Variants in TRIM54 observed in about 807,000 individuals in gnomAD.
TRIM54 encodes tripartite motif-containing protein 54.
TRIM54 carries 40 observed loss-of-function variants against 42.0 expected under a neutral mutation model. That is an observed-to-expected ratio of 0.95 (90% CI 0.74 to 1.24). The LOEUF is 1.24. Among genes scored for constraint, TRIM54 ranks in the 50% most tolerant of loss-of-function variants. The pLI is 0.00. For synonymous variants in TRIM54, 199 were observed against 194.9 expected, an observed-to-expected ratio of 1.02 and a Z score of -0.17; for missense variants, 485 against 480.3, an observed-to-expected ratio of 1.01 and a Z score of -0.09.
chr2:27,282,570 AT>A lies in TRIM54; in HGVS notation c.-161del, dbSNP rs1678411897. 4.3e-6 allele frequency: 3 copies of A among 703,352 alleles called. No individual in the cohort carries two copies. Among genetic ancestry groups the A allele is most frequent in the Non-Finnish European group, 6.8e-6 (3 of 440,904 alleles). 43.6% of individuals were successfully genotyped at this position (703,352 alleles called of 1,614,324 possible). A position where few individuals can be genotyped will look rare whatever the true frequency, so the allele number is the denominator to read the frequency against. On this transcript the variant is annotated 5_prime_UTR_variant, in exon 1 of 9. Coordinates refer to ENST00000380075, the MANE Select transcript of TRIM54 (RefSeq NM_187841.3). Reference sequence around the variant, plus strand: ...AAGTAGAGACTGTCCGAAGACTGCTATCTGGGACGAGACAAGTTGTTAAAGG... The same window carrying A: ...AAGTAGAGACTGTCCGAAGACTGCTACTGGGACGAGACAAGTTGTTAAAGG...
At chr2:27,285,509 GA>G (rs1678533351) in intron 1 of TRIM54, among the ~76,000 whole-genome samples, 1 of 152,276 alleles carries the variant, frequency 6.6e-6, no homozygotes, top group East Asian at 1.9e-4. Flanking sequence ...TTCATATCAT[GA>G]AAAGCAAATC....
rs779511619 is a variant in TRIM54, at chr2:27,306,107, G to A, written c.866+5G>A. ...GGCCAAGGAGCTGATCAATAAGTGAGTAGGCATAGCGGGAAGGGAAAGGAG... is the reference window on the plus strand; with the variant it reads ...GGCCAAGGAGCTGATCAATAAGTGAATAGGCATAGCGGGAAGGGAAAGGAG... On this transcript the variant is annotated splice_donor_5th_base_variant and intron_variant, in intron 6 of 8. Transcript: ENST00000380075. The surrounding 1 kb of genome is among the most constrained non-coding windows in gnomAD (Gnocchi z 6.1). The A allele has an allele frequency of 6.2e-7, 1 of 1,614,032 alleles. No individual in the cohort carries two copies. The highest frequency in any genetic ancestry group is 1.1e-5 in the South Asian group (1 of 91,088).
chr2:27,306,201 TG>T lies in TRIM54; in HGVS notation c.867-10del. ...TGGGGCATTGCCAGCTGAGTCCGTG[TG>T]GCCACTGCAGGGTCGGGGCCATGTC... On this transcript the variant is annotated splice_polypyrimidine_tract_variant and intron_variant, in intron 6 of 8. Transcript: ENST00000380075. The surrounding 1 kb of genome is among the most constrained non-coding windows in gnomAD (Gnocchi z 6.1). 1 of 1,614,012 alleles carries T rather than the reference TG, an allele frequency of 6.2e-7. No homozygotes were observed.
intron 1 of TRIM54, among the ~76,000 whole-genome samples, chr2:27,291,742 G>C (rs1318610273): frequency 6.6e-6 from 1 of 152,188 alleles, no homozygotes; most frequent in Non-Finnish European, 1.5e-5. Context: ...TTGGCTGGGG[G>C]CTAGCATTGC....
In TRIM54 at chr2:27,307,405, T is replaced by TTC; in HGVS notation, c.*521_*522dup. The TTC allele has an allele frequency of 6.8e-7, 1 of 1,479,524 alleles. No individual in the cohort carries two copies. Among genetic ancestry groups the TTC allele is most frequent in the Non-Finnish European group, 9.0e-7 (1 of 1,111,666 alleles). The allele number at this position is 1,479,524 out of a possible 1,614,324, so 91.6% of individuals were successfully genotyped here. On this transcript the variant is annotated 3_prime_UTR_variant, in exon 9 of 9. Coordinates refer to ENST00000380075, the MANE Select transcript of TRIM54 (RefSeq NM_187841.3). The surrounding 1 kb of genome is among the most constrained non-coding windows in gnomAD (Gnocchi z 6.9). ...CCTCTACGACAAAAGCCAACGGGTC[T>TTC]TCAGTACTTTTATTAAAAAATAGTC...
intron 3 of TRIM54, among the ~76,000 whole-genome samples, chr2:27,301,135 C>CTTTT (rs35279593): frequency 1.6e-5 from 2 of 125,354 alleles, no homozygotes; most frequent in Non-Finnish European, 3.4e-5. Context: ...TGGTTGCCCT[C>CTTTT]TTTTTTTTTT....
intron 3 of TRIM54, among the ~76,000 whole-genome samples, chr2:27,304,298 T>A (rs1264704795): frequency 2.1e-5 from 3 of 139,922 alleles, no homozygotes; most frequent in South Asian, 2.4e-4. Context: ...ATATAAAACA[T>A]TCAACAGATG....
In TRIM54 at chr2:27,305,001, G is replaced by A. The variant is rs1297187514; in HGVS notation, c.556G>A (p.Asp186Asn). 6.2e-7 allele frequency: 1 copy of A among 1,614,150 alleles called. No individual in the cohort carries two copies. The highest frequency in any genetic ancestry group is 8.5e-7 in the Non-Finnish European group (1 of 1,180,028). The stretch of plus-strand genomic sequence containing the variant: ...CATCGCGATGCTGGTGGCAGGCAAT[G>A]ACCGCGTGCAAGCAGTGATCACACA... ...DGIAMLVAGN[D>N]RVQAVITQME... The change falls in exon 4 of 9, where the codon GAC (aspartate) becomes AAC (asparagine). Residue 186 changes from aspartate to asparagine, a missense_variant. By Grantham distance (23) the Asp-to-Asn change is conservative. Transcript: ENST00000380075.
intron 3 of TRIM54, chr2:27,304,744 C>T: frequency 2.1e-6 from 1 of 479,170 alleles, no homozygotes; most frequent in Non-Finnish European, 3.8e-6. Context: ...GTTCCTTCCC[C>T]ACTTAGTGGT....
rs146623118 is a variant in TRIM54, at chr2:27,299,476, T to G, written c.513+60T>G. 9.7e-4 allele frequency: 1,541 copies of G among 1,585,276 alleles called. 1 individual carries two copies. The highest frequency in any genetic ancestry group is 1.2e-3 in the Non-Finnish European group (1,436 of 1,167,606). ...ATGGGGGCTTAGGACAGGGTCTCAG[T>G]GTCAGCCTCTTACTCCACTTATCTT... On this transcript the variant is annotated intron_variant, in intron 3 of 8. Coordinates refer to ENST00000380075, the MANE Select transcript of TRIM54 (RefSeq NM_187841.3).
rs1216839023 is a variant in TRIM54 at position 27,293,937 on chromosome 2, C to T, written c.169-4630C>T. Among the ~76,000 whole-genome samples the T allele has an allele frequency of 2.6e-5, 4 of 152,000 alleles. No individual in the cohort carries two copies. The South Asian group carries it at 6.2e-4, about 24-fold the overall frequency. Reference sequence around the variant, plus strand: ...ACTCAGGAGGCTGAGGCAGGAGAATCGCTTGAACCCGGGAGGTGGAGGTGG... The same window carrying T: ...ACTCAGGAGGCTGAGGCAGGAGAATTGCTTGAACCCGGGAGGTGGAGGTGG... On this transcript the variant is annotated intron_variant, in intron 1 of 8. Transcript: ENST00000380075.
At chr2:27,297,841 C>T (rs1490785682) in intron 1 of TRIM54, among the ~76,000 whole-genome samples, 1 of 151,922 alleles carries the variant, frequency 6.6e-6, no homozygotes, top group Non-Finnish European at 1.5e-5. Context: ...ATTATCTGGG[C>T]ATGGTGGCAC....
Position 27,304,960 on chromosome 2 carries a change from G to A in TRIM54, c.515G>A (p.Ser172Asn), listed in dbSNP as rs1316855593. 1.9e-6 allele frequency: 3 copies of A among 1,613,792 alleles called. No individual in the cohort carries two copies. The African/African-American group carries it at 4.0e-5, about 22-fold the overall frequency. ...AGTGCTGACCTGTGTGTGTATCAGAGTGAGCTCAGCGATGGCATCGCGATG... is the reference window on the plus strand; with the variant it reads ...AGTGCTGACCTGTGTGTGTATCAGAATGAGCTCAGCGATGGCATCGCGATG... ...PLPTIYKRQK[S>N]ELSDGIAMLV... is the part of the protein sequence containing the mutation. The change falls in exon 4 of 9, where the codon AGT (serine) becomes AAT (asparagine). Residue 172 changes from serine (S) to asparagine (N), a missense_variant and splice_region_variant. Physicochemically the swap from Ser to Asn is conservative, Grantham distance 46. Coordinates refer to ENST00000380075, the MANE Select transcript of TRIM54 (RefSeq NM_187841.3).
rs1258653475 is a variant in TRIM54, at chr2:27,299,411, CA to C, written c.509del (p.Gln170ArgfsTer22). On this transcript the variant is annotated frameshift_variant, in exon 3 of 9. Coordinates refer to ENST00000380075, the MANE Select transcript of TRIM54 (RefSeq NM_187841.3). LOFTEE classifies it high-confidence loss of function. The part of the protein sequence containing the change: ...VAPLPTIYKR[Q>X]KSELSDGIAM... ...CCCACTGCCCACCATTTACAAACGCCAGAAGGTATCAAACAGGGGAGGGAGT... is the reference window on the plus strand; with the variant it reads ...CCCACTGCCCACCATTTACAAACGCCGAAGGTATCAAACAGGGGAGGGAGT... The C allele has an allele frequency of 2.5e-6, 4 of 1,613,498 alleles. No homozygotes were observed. Among genetic ancestry groups the C allele is most frequent in the Non-Finnish European group, 3.4e-6 (4 of 1,179,892 alleles).
intron 1 of TRIM54, among the ~76,000 whole-genome samples, chr2:27,290,987 C>G (rs574932230): frequency 3.3e-5 from 5 of 152,328 alleles, no homozygotes; most frequent in Admixed American, 3.3e-4. Context: ...AAATTTCATT[C>G]TTATTTCACC....
chr2:27,286,154 T>A (rs144367779), intron 1 of TRIM54, among the ~76,000 whole-genome samples: 1 of 152,008 alleles, frequency 6.6e-6, no homozygotes, highest in African/African-American at 2.4e-5. Context: ...TTATTTTTAT[T>A]TTTGCATATT....
chr2:27,298,489 C>T lies in TRIM54; in HGVS notation c.169-78C>T, dbSNP rs1678931271. Reference sequence around the variant, plus strand: ...CATCAAGTTCCTACTCCCTAGCCCCCAAGCCCTTTCCCCCTGCCTCCTCCG... The same window carrying T: ...CATCAAGTTCCTACTCCCTAGCCCCTAAGCCCTTTCCCCCTGCCTCCTCCG... On this transcript the variant is annotated intron_variant, in intron 1 of 8. Transcript: ENST00000380075. The T allele has an allele frequency of 4.2e-6, 5 of 1,193,252 alleles. No homozygotes were observed. In the Admixed American group the frequency reaches 5.5e-5, roughly 13 times the overall value. The allele number at this position is 1,193,252 out of a possible 1,614,324, so 73.9% of individuals were successfully genotyped here.
In TRIM54 at chr2:27,306,225, G is replaced by T. The variant is rs749240763; in HGVS notation, c.879G>T (p.Met293Ile). Residue 293 changes from methionine (M) to isoleucine (I), a missense_variant, in exon 7 of 9, where the codon ATG (methionine) becomes ATT (isoleucine). Met to Ile is a conservative substitution (Grantham distance 10). Coordinates refer to ENST00000380075, the MANE Select transcript of TRIM54 (RefSeq NM_187841.3). This position sits in a 1 kb window ranked among gnomAD's most constrained non-coding sequence, Gnocchi z 6.1. ...AKELINKVGA[M>I]SKVELAGRPE... is the part of the protein sequence containing the mutation. The stretch of plus-strand genomic sequence containing the variant: ...GTGGCCACTGCAGGGTCGGGGCCAT[G>T]TCGAAGGTGGAGCTGGCAGGGCGGC... 4 of 1,614,118 alleles carry T rather than the reference G, an allele frequency of 2.5e-6. No individual in the cohort carries two copies. The highest frequency in any genetic ancestry group is 3.4e-6 in the Non-Finnish European group (4 of 1,180,030).
chr2:27,299,451 A>C, intron 3 of TRIM54, 35 bp downstream of exon 3: 1 of 1,606,050 alleles, frequency 6.2e-7, no homozygotes, highest in South Asian at 1.1e-5. Context: ...TATGTGAGAG[A>C]TGGGGGCTTA....
Sources: allele counts gnomAD v4.1 joint callset (sites outside exome capture counted in the v4.1 genomes callset), GRCh38; gene constraint gnomAD v4.1.1; non-coding constraint Gnocchi (gnomAD v3.1); transcripts MANE v1.5; gene names NCBI Gene and HGNC (gene_info 2026-07-23, HGNC 2026-07-21).